GPR84: variants seen among roughly 807,000 people sequenced by gnomAD.
GPR84 encodes the protein G-protein coupled receptor 84.
Under a neutral mutation model 14.9 loss-of-function variants are expected in GPR84, and 8 were observed. The ratio of observed to expected loss-of-function variants is 0.54; its 90% CI spans 0.31 to 0.97. The LOEUF (loss-of-function observed/expected upper bound fraction) is 0.97. GPR84 is among the 50% of genes least tolerant of loss of function. The pLI is 0.04. For missense variants in GPR84, 424 were observed against 498.7 expected (o/e 0.85, Z 1.43); for synonymous variants, 164 against 198.1 (o/e 0.83, Z 1.45).
the GPR84 span, among the ~76,000 whole-genome samples, chr12:54,355,504 G>C: frequency 1.3e-5 from 2 of 152,100 alleles, no homozygotes; most frequent in Non-Finnish European, 2.9e-5. Context: ...CCATTCCAAA[G>C]GTATTTCCAC....
the GPR84 span, among the ~76,000 whole-genome samples, chr12:54,354,486 G>A: frequency 6.6e-6 from 1 of 152,046 alleles, no homozygotes; most frequent in Non-Finnish European, 1.5e-5. Flanking sequence ...AGGCTGGAGT[G>A]CAGTGGTGCA....
Position 54,363,159 on chromosome 12 carries a change from A to G in GPR84, c.693T>C (p.Asp231=). 1 of 1,614,180 alleles carries G rather than the reference A, an allele frequency of 6.2e-7. No individual in the cohort carries two copies. The highest frequency in any genetic ancestry group is 1.1e-5 in the South Asian group (1 of 91,080). The part of the protein sequence containing the change: ...SIHSNHVART[D]EAMPGRFQEL... The stretch of plus-strand genomic sequence containing the variant: ...CCTGGAAACGACCAGGCATGGCCTC[A>G]TCAGTCCTGGCCACATGGTTGGAGT... The change falls in exon 2 of 2, where the codon GAT becomes GAC. Residue 231 remains aspartate, a synonymous_variant. Coordinates refer to ENST00000267015, the MANE Select transcript of GPR84 (RefSeq NM_020370.3).
At chr12:54,361,284 C>G (rs1052551097), downstream of GPR84, among the ~76,000 whole-genome samples, 8 of 152,174 alleles carry the variant, frequency 5.3e-5, no homozygotes, top group Admixed American at 4.6e-4. This position sits in a 1 kb window ranked among gnomAD's most constrained non-coding sequence, Gnocchi z 4.3. Context: ...TGGGTTCAAG[C>G]GATTCTCCCG....
rs775625419 is a variant in GPR84 at position 54,363,786 on chromosome 12, A to C, written c.66T>G (p.Val22=). 3 of 1,613,366 alleles carry C rather than the reference A, an allele frequency of 1.9e-6. No individual in the cohort carries two copies. Among genetic ancestry groups the C allele is most frequent in the Non-Finnish European group, 2.5e-6 (3 of 1,179,784 alleles). Residue 22 remains valine (V), a synonymous_variant, in exon 2 of 2, where the codon GTT becomes GTG. Transcript: ENST00000267015. Reference sequence around the variant, plus strand: ...CCACCACCACCCCCCAGCTAACTGCAACATAACGATAGCCCAGCACAGACT... The same window carrying C: ...CCACCACCACCCCCCAGCTAACTGCCACATAACGATAGCCCAGCACAGACT... ...YHESVLGYRY[V]AVSWGVVVAV...
downstream of GPR84, among the ~76,000 whole-genome samples, chr12:54,362,066 G>A (rs987357324): frequency 2.0e-5 from 3 of 152,240 alleles, no homozygotes; most frequent in Non-Finnish European, 4.4e-5. This position sits in a 1 kb window ranked among gnomAD's most constrained non-coding sequence, Gnocchi z 4.0. Flanking sequence ...TTTTTGAGCT[G>A]AATAAACTTG....
At chr12:54,360,801 C>T (rs2137127774), downstream of GPR84, among the ~76,000 whole-genome samples, 1 of 152,314 alleles carries the variant, frequency 6.6e-6, no homozygotes, top group South Asian at 2.1e-4. Context: ...ATTCCATCCC[C>T]AGTGCCACCC....
the GPR84 span, among the ~76,000 whole-genome samples, chr12:54,354,121 T>C: frequency 0.14 from 21,322 of 150,712 alleles, 1,675 homozygotes; most frequent in East Asian, 0.22. Context: ...CTTTTCTTTT[T>C]TTTTTTTTTT....
chr12:54,358,572 T>C (rs1339933321), downstream of GPR84, among the ~76,000 whole-genome samples: 1 of 152,166 alleles, frequency 6.6e-6, no homozygotes, highest in Non-Finnish European at 1.5e-5. Flanking sequence ...TTTGCTTCTC[T>C]AATGCTTTTC....
At chr12:54,357,260 C>G in the GPR84 span, among the ~76,000 whole-genome samples, 3 of 152,318 alleles carry the variant, frequency 2.0e-5, no homozygotes, top group Admixed American at 1.3e-4. Context: ...AGGCAGCAGT[C>G]TAGTGTATGT....
Position 54,363,194 on chromosome 12 carries a change from C to T in GPR84, c.658G>A (p.Ala220Thr). The T allele has an allele frequency of 6.2e-7, 1 of 1,614,188 alleles. No individual in the cohort carries two copies. The highest frequency in any genetic ancestry group is 8.5e-7 in the Non-Finnish European group (1 of 1,180,024). ...GCCACATGGTTGGAGTGGATGCTTG[C>T]CTGTCGCAACTTGTATTGGTCCAGT... Reference protein sequence around the residue: ...QALDQYKLRQASIHSNHVART... With the variant: ...QALDQYKLRQTSIHSNHVART... The change falls in exon 2 of 2, where the codon GCA (alanine) becomes ACA (threonine). Residue 220 changes from alanine to threonine, a missense_variant. Transcript: ENST00000267015.
chr12:54,362,832 A>C lies in GPR84; in HGVS notation c.1020T>G (p.Ile340Met). The part of the protein sequence containing the change: ...LSYIPFLLLN[I>M]LDARVQAPRV... ...GGGGAGCCTGGACTCTGGCATCCAG[A>C]ATGTTGAGCAGCAAGAAGGGGATGT... is the stretch of plus-strand genomic sequence containing the variant. Residue 340 changes from isoleucine (I) to methionine (M), a missense_variant, in exon 2 of 2, where the codon ATT becomes ATG. Transcript: ENST00000267015. This position sits in a 1 kb window ranked among gnomAD's most constrained non-coding sequence, Gnocchi z 4.0. 6.2e-7 allele frequency: 1 copy of C among 1,614,208 alleles called. No individual in the cohort carries two copies. The highest frequency in any genetic ancestry group is 8.5e-7 in the Non-Finnish European group (1 of 1,180,030).
rs1954291977 is a variant in GPR84, at chr12:54,363,316, G to A, written c.536C>T (p.Thr179Ile). 1.2e-6 allele frequency: 2 copies of A among 1,614,154 alleles called. No individual in the cohort carries two copies. The highest frequency in any genetic ancestry group is 1.7e-6 in the Non-Finnish European group (2 of 1,180,010). Residue 179 changes from threonine to isoleucine, a missense_variant, in exon 2 of 2, where the codon ACC (threonine) becomes ATC (isoleucine). Physicochemically the swap from Thr to Ile is moderately conservative, Grantham distance 89. Coordinates refer to ENST00000267015, the MANE Select transcript of GPR84 (RefSeq NM_020370.3). ...SFDRIRGRPY[T>I]TILMGIYFVL... ...AAAGTAGATGCCCATGAGGATGGTG[G>A]TGTAAGGCCGGCCTCGGATGCGGTC...
the GPR84 span, among the ~76,000 whole-genome samples, chr12:54,357,184 A>G: frequency 1.3e-5 from 2 of 152,198 alleles, no homozygotes; most frequent in East Asian, 3.9e-4. Flanking sequence ...TCTGTAGCCC[A>G]AGCTTTCTGA....
chr12:54,363,370 A>G lies in GPR84; in HGVS notation c.482T>C (p.Leu161Pro). 1 of 1,614,166 alleles carries G rather than the reference A, an allele frequency of 6.2e-7. No individual in the cohort carries two copies. The highest frequency in any genetic ancestry group is 8.5e-7 in the Non-Finnish European group (1 of 1,180,012). Residue 161 changes from leucine (L) to proline (P), a missense_variant, in exon 2 of 2, where the codon CTG becomes CCG. By Grantham distance (98) the Leu-to-Pro change is moderately conservative. Coordinates refer to ENST00000267015, the MANE Select transcript of GPR84 (RefSeq NM_020370.3). ...SFAPLWPIYI[L>P]VPVVCTCSFD... ...GCTGCAGGTGCAGACTACAGGTACCAGGATATAAATAGGCCAGAGGGGAGC... is the reference window on the plus strand; with the variant it reads ...GCTGCAGGTGCAGACTACAGGTACCGGGATATAAATAGGCCAGAGGGGAGC...
chr12:54,363,212 G>A lies in GPR84; in HGVS notation c.640C>T (p.Gln214Ter), dbSNP rs777783623. Residue 214 changes from glutamine (Q) to a stop codon, truncating the protein, a stop_gained, in exon 2 of 2, where the codon CAA (glutamine) becomes TAA (stop). Coordinates refer to ENST00000267015, the MANE Select transcript of GPR84 (RefSeq NM_020370.3). LOFTEE classifies it low-confidence loss of function (END_TRUNC). Reference sequence around the variant, plus strand: ...ATGCTTGCCTGTCGCAACTTGTATTGGTCCAGTGCCTGTGCTGCTCGTTTG... The same window carrying A: ...ATGCTTGCCTGTCGCAACTTGTATTAGTCCAGTGCCTGTGCTGCTCGTTTG... ...QVKRAAQALD[Q>*]YKLRQASIHS... 1.1e-5 allele frequency: 18 copies of A among 1,614,154 alleles called. 2 individuals are homozygous for A. In the South Asian group the frequency reaches 1.9e-4, roughly 17 times the overall value.
chr12:54,352,880 A>G, the GPR84 span, among the ~76,000 whole-genome samples: 1 of 152,236 alleles, frequency 6.6e-6, no homozygotes, highest in Admixed American at 6.5e-5. Context: ...GAGTTTGGAT[A>G]AAGACTAGGT....
At chr12:54,359,066 A>T (rs1954239856), downstream of GPR84, among the ~76,000 whole-genome samples, 1 of 151,290 alleles carries the variant, frequency 6.6e-6, no homozygotes, top group Non-Finnish European at 1.5e-5. Flanking sequence ...AGGAACAGGT[A>T]GAGGGAGCGC....
Position 54,363,480 on chromosome 12 carries a change from G to T in GPR84, c.372C>A (p.His124Gln), listed in dbSNP as rs977405352. 5.0e-6 allele frequency: 8 copies of T among 1,614,132 alleles called. No homozygotes were observed. In the Admixed American group the frequency reaches 8.3e-5, roughly 17 times the overall value. Residue 124 changes from histidine to glutamine, a missense_variant, in exon 2 of 2, where the codon CAC becomes CAA. Coordinates refer to ENST00000267015, the MANE Select transcript of GPR84 (RefSeq NM_020370.3). ...IALGRYLLIA[H>Q]PKLFPQVFSA... ...TGAAAACTTGGGGAAAAAGCTTAGG[G>T]TGGGCAATGAGGAGGTAGCGTCCCA... is the stretch of plus-strand genomic sequence containing the variant.
the GPR84 span, chr12:54,351,278 G>C: frequency 1.3e-5 from 2 of 152,190 alleles, no homozygotes; most frequent in Non-Finnish European, 2.9e-5. Context: ...TGCCTGGTTT[G>C]TCTTCTCTGT....
Sources: allele counts gnomAD v4.1 joint callset (sites outside exome capture counted in the v4.1 genomes callset), GRCh38; gene constraint gnomAD v4.1.1; non-coding constraint Gnocchi (gnomAD v3.1); transcripts MANE v1.5; gene names NCBI Gene and HGNC (gene_info 2026-07-23, HGNC 2026-07-21).